Variants in TAOK3 observed in about 807,000 individuals in gnomAD.
TAOK3 encodes the protein TAO kinase 3, also known as serine/threonine-protein kinase TAO3.
Under a neutral mutation model 120.4 loss-of-function variants are expected in TAOK3, and 40 were observed. That is an observed-to-expected ratio of 0.33 (90% CI 0.26 to 0.43). The LOEUF (loss-of-function observed/expected upper bound fraction) is 0.43, where lower values mean the gene tolerates loss of function less well. TAOK3 is among the 20% of genes least tolerant of loss of function. TAOK3 has a pLI of 1.00. For missense variants in TAOK3, 821 were observed against 1,112.1 expected (o/e 0.74, Z 3.72); for synonymous variants, 355 against 387.5 (o/e 0.92, Z 0.99).
At chr12:118,253,596 G>A (rs2040848736) in intron 3 of TAOK3, among the ~76,000 whole-genome samples, 2 of 151,758 alleles carry the variant, frequency 1.3e-5, no homozygotes, top group Non-Finnish European at 2.9e-5. Context: ...AATTAGCCTG[G>A]CATGATGGCA....
intron 1 of TAOK3, among the ~76,000 whole-genome samples, chr12:118,308,361 A>G (rs1474108578): frequency 6.6e-6 from 1 of 152,154 alleles, no homozygotes; most frequent in Non-Finnish European, 1.5e-5. Context: ...TCTGTGGAGT[A>G]GCCATTCTTT....
rs1209330809 is a variant in TAOK3 at position 118,371,118 on chromosome 12, TC to T, written c.-194+1529del. Among the ~76,000 whole-genome samples the T allele has an allele frequency of 3.3e-5, 5 of 152,124 alleles. No individual in the cohort carries two copies. The highest frequency in any genetic ancestry group is 7.4e-5 in the Non-Finnish European group (5 of 68,020). On this transcript the variant is annotated intron_variant, in intron 1 of 20. Transcript: ENST00000392533. The surrounding 1 kb of genome is among the most constrained non-coding windows in gnomAD (Gnocchi z 5.5). Reference sequence around the variant, plus strand: ...ACATTGATACTGATATGCTGCCAAATCTAAAAAAGTTTCTTAGCTCCTTGAG... The same window carrying T: ...ACATTGATACTGATATGCTGCCAAATTAAAAAAGTTTCTTAGCTCCTTGAG...
At position 118,255,392 on chromosome 12, in the gene TAOK3, C is replaced by G. The variant is rs879114467; in HGVS notation, c.120+56G>C. On this transcript the variant is annotated intron_variant, in intron 3 of 20. Coordinates refer to ENST00000392533, the MANE Select transcript of TAOK3 (RefSeq NM_016281.4). ...ACAGGCGTGAGTCACTGTGCCAGGC[C>G]TAGAGTCCAACCTTTCTTAATCTGA... 19 of 1,593,394 alleles carry G rather than the reference C, an allele frequency of 1.2e-5. No homozygotes were observed. In the South Asian group the frequency reaches 2.1e-4, roughly 18 times the overall value.
intron 16 of TAOK3, among the ~76,000 whole-genome samples, chr12:118,175,292 G>A (rs1182568381): frequency 1.3e-5 from 2 of 152,162 alleles, no homozygotes; most frequent in Non-Finnish European, 1.5e-5. Flanking sequence ...AGAATTGGAG[G>A]AGAACCTTGC....
chr12:118,360,202 C>G (rs2045544996), intron 1 of TAOK3, among the ~76,000 whole-genome samples: 1 of 149,294 alleles, frequency 6.7e-6, no homozygotes, highest in Admixed American at 6.7e-5. Flanking sequence ...GAGGCGGAGG[C>G]TGCAGTGAGC....
At chr12:118,311,606 T>C (rs1368133927) in intron 1 of TAOK3, among the ~76,000 whole-genome samples, 1 of 133,850 alleles carries the variant, frequency 7.5e-6, no homozygotes, top group Non-Finnish European at 1.6e-5. Context: ...TAAGTCTCAT[T>C]TAGAGTTGAA....
chr12:118,177,684 G>A (rs377105955), intron 15 of TAOK3, among the ~76,000 whole-genome samples: 5 of 152,140 alleles, frequency 3.3e-5, no homozygotes, highest in East Asian at 3.9e-4. Context: ...TTAGCTGGGC[G>A]TGGTCGTGCA....
chr12:118,318,290 T>C (rs894034573), intron 1 of TAOK3, among the ~76,000 whole-genome samples: 20 of 151,884 alleles, frequency 1.3e-4, no homozygotes, highest in Non-Finnish European at 2.8e-4. Flanking sequence ...CCCAAGTAGC[T>C]GGGACTACAG....
rs140042164 is a variant in TAOK3, at chr12:118,172,622, C to T, written c.1734G>A (p.Lys578=). ...NEDHSTPKKE[K]QERISKHKEN... ...CTTTATGTTTGGAGATCCGCTCTTG[C>T]TTCTCTTTCTTGGGTGTGCTATGGT... is the stretch of plus-strand genomic sequence containing the variant. The change falls in exon 17 of 21, where the codon AAG becomes AAA. Residue 578 remains lysine, a synonymous_variant. Transcript: ENST00000392533. 8 of 1,614,018 alleles carry T rather than the reference C, an allele frequency of 5.0e-6. No homozygotes were observed. The African/African-American group carries it at 9.3e-5, about 19-fold the overall frequency.
chr12:118,294,768 C>T (rs948042535), intron 1 of TAOK3, among the ~76,000 whole-genome samples: 5 of 141,040 alleles, frequency 3.5e-5, no homozygotes, highest in Non-Finnish European at 1.6e-5. Flanking sequence ...GAGATTCACA[C>T]ACATTGTTGT....
chr12:118,188,634 T>C (rs2037221758), intron 14 of TAOK3, among the ~76,000 whole-genome samples: 1 of 152,224 alleles, frequency 6.6e-6, no homozygotes, highest in South Asian at 2.1e-4. Flanking sequence ...TAATCCATTA[T>C]AATTTTCAAA....
At position 118,244,916 on chromosome 12, in the gene TAOK3, T is replaced by G. The variant is rs963518684; in HGVS notation, c.170A>C (p.Tyr57Ser). 48 of 1,608,852 alleles carry G rather than the reference T, an allele frequency of 3.0e-5. No homozygotes were observed. Among genetic ancestry groups the G allele is most frequent in the Non-Finnish European group, 3.7e-5 (43 of 1,175,782 alleles). ...SEVVAIKKMS[Y>S]SGKQTHEKWQ... ...CACCTCATGGGTCTGCTTCCCACTATAGGACATCTTCTTAATTGCCACCAC... is the reference window on the plus strand; with the variant it reads ...CACCTCATGGGTCTGCTTCCCACTAGAGGACATCTTCTTAATTGCCACCAC... Residue 57 changes from tyrosine to serine, a missense_variant, in exon 4 of 21, where the codon TAT becomes TCT. By Grantham distance (144) the Tyr-to-Ser change is moderately radical. This residue lies in a region of TAOK3 where 467 missense variants were observed against 540.0 expected (regional missense o/e 0.86). Transcript: ENST00000392533.
At chr12:118,239,364 C>A in intron 5 of TAOK3, 92 bp from the exon 6 acceptor site, 1 of 699,882 alleles carries the variant, frequency 1.4e-6, no homozygotes, top group East Asian at 2.8e-5. Context: ...ACTAAGAATA[C>A]TAGGTGAATA....
chr12:118,274,125 AC>A (rs1248341989), intron 1 of TAOK3, among the ~76,000 whole-genome samples: 11 of 152,242 alleles, frequency 7.2e-5, no homozygotes, highest in Admixed American at 1.3e-4. Context: ...TCTAAAAAAA[AC>A]AAACCAAAAA....
chr12:118,157,776 A>G (rs753533492), intron 19 of TAOK3, among the ~76,000 whole-genome samples: 3 of 152,232 alleles, frequency 2.0e-5, no homozygotes, highest in Non-Finnish European at 2.9e-5. Context: ...TAGGCACTCA[A>G]TGAATACTTG....
At chr12:118,175,602 G>C (rs1236090769) in intron 16 of TAOK3, among the ~76,000 whole-genome samples, 1 of 151,870 alleles carries the variant, frequency 6.6e-6, no homozygotes, top group Non-Finnish European at 1.5e-5. Flanking sequence ...ACTCCAGCTT[G>C]GGCAACAAGA....
At chr12:118,313,483 G>C (rs1400391872) in intron 1 of TAOK3, among the ~76,000 whole-genome samples, 2 of 152,046 alleles carry the variant, frequency 1.3e-5, no homozygotes, top group African/African-American at 4.8e-5. Flanking sequence ...CACCACATTG[G>C]CCAGGCTGGT....
chr12:118,251,865 AG>A (rs1482290796), intron 3 of TAOK3, among the ~76,000 whole-genome samples: 3 of 148,610 alleles, frequency 2.0e-5, no homozygotes, highest in African/African-American at 7.5e-5. Context: ...TCTGTCCCCC[AG>A]GCTGGAGTGC....
intron 2 of TAOK3, among the ~76,000 whole-genome samples, chr12:118,261,274 T>C (rs1593331680): frequency 6.6e-6 from 1 of 152,076 alleles, no homozygotes; most frequent in Non-Finnish European, 1.5e-5. Flanking sequence ...GAGGAAGTAA[T>C]AGTGGAGAAA....
Sources: gnomAD v4.1 joint callset for allele counts (sites outside exome capture counted in the v4.1 genomes callset) on GRCh38, gnomAD v4.1.1 for gene constraint, gnomAD v4.1.1 regional missense constraint, Gnocchi (gnomAD v3.1) non-coding constraint, MANE v1.5 for transcripts, NCBI Gene and HGNC (gene_info 2026-07-23, HGNC 2026-07-21) for gene names.